FNIP1: variants seen among roughly 807,000 people sequenced by gnomAD.
FNIP1 encodes the protein folliculin interacting protein 1.
Under a neutral mutation model 124.5 loss-of-function variants are expected in FNIP1, and 40 were observed. The ratio of observed to expected loss-of-function variants is 0.32; its 90% CI spans 0.25 to 0.42. The LOEUF is 0.42. Ranked by LOEUF, FNIP1 falls within the 10% of genes least tolerant of loss-of-function variation. The pLI is 1.00. For missense variants in FNIP1, 1,176 were observed against 1,403.7 expected (o/e 0.84, Z 2.59); for synonymous variants, 472 against 470.6 (o/e 1.00, Z -0.04).
intron 6 of FNIP1, among the ~76,000 whole-genome samples, chr5:131,713,514 T>C (rs1329427947): frequency 6.6e-6 from 1 of 152,348 alleles, no homozygotes; most frequent in South Asian, 2.1e-4. Context: ...TCAACTTCTA[T>C]TATTTTTAAA....
intron 15 of FNIP1, among the ~76,000 whole-genome samples, chr5:131,659,757 G>A (rs191372417): frequency 1.4e-4 from 22 of 152,302 alleles, no homozygotes; most frequent in Non-Finnish European, 2.8e-4. Flanking sequence ...AACATGATCT[G>A]AGTCATCTTC....
At chr5:131,661,220 T>TTGTGTG (rs370206265) in intron 15 of FNIP1, among the ~76,000 whole-genome samples, 40 of 147,738 alleles carry the variant, frequency 2.7e-4, no homozygotes, top group African/African-American at 7.6e-4. Flanking sequence ...TGTCTTTGTT[T>TTGTGTG]TGTGTGTGTG....
chr5:131,762,387 G>A (rs370045742), intron 1 of FNIP1, among the ~76,000 whole-genome samples: 8 of 152,118 alleles, frequency 5.3e-5, no homozygotes, highest in East Asian at 1.9e-4. Flanking sequence ...TAAGGAGCTC[G>A]AACAACTATA....
At chr5:131,716,252 T>A (rs771433562) in intron 6 of FNIP1, among the ~76,000 whole-genome samples, 1 of 152,168 alleles carries the variant, frequency 6.6e-6, no homozygotes, top group African/African-American at 2.4e-5. Flanking sequence ...AAAGAACTAC[T>A]AAGGGCTTTT....
chr5:131,702,688 CT>C (rs1269387488), intron 10 of FNIP1, among the ~76,000 whole-genome samples: 1 of 152,168 alleles, frequency 6.6e-6, no homozygotes, highest in Non-Finnish European at 1.5e-5. Context: ...TTTGTCCTTC[CT>C]TTTTAGCTTA....
At chr5:131,776,687 T>C (rs1260867483) in intron 1 of FNIP1, among the ~76,000 whole-genome samples, 2 of 152,154 alleles carry the variant, frequency 1.3e-5, no homozygotes, top group Non-Finnish European at 2.9e-5. Flanking sequence ...GGAACATAAT[T>C]CCATTTACAC....
rs77226650 is a variant in FNIP1 at position 131,705,681 on chromosome 5, C to T, written c.914+730G>A. On this transcript the variant is annotated intron_variant, in intron 9 of 17. Coordinates refer to ENST00000510461, the MANE Select transcript of FNIP1 (RefSeq NM_133372.3). ...AGTAACCATGGAAAACAGTGTGCAG[C>T]GTGACAGTTCCTCACAAATTTAAAA... is the stretch of plus-strand genomic sequence containing the variant. Among the ~76,000 whole-genome samples, 16 of 152,140 alleles carry T rather than the reference C, an allele frequency of 1.1e-4. No homozygotes were observed. The East Asian group carries it at 1.5e-3, about 15-fold the overall frequency.
intron 10 of FNIP1, among the ~76,000 whole-genome samples, chr5:131,699,519 G>A (rs568972632): frequency 8.6e-4 from 129 of 150,284 alleles, no homozygotes; most frequent in South Asian, 6.1e-3. Context: ...TCAGTCTCCC[G>A]AGTAGCTGGG....
At chr5:131,770,947 T>C (rs1305880616) in intron 1 of FNIP1, among the ~76,000 whole-genome samples, 2 of 152,196 alleles carry the variant, frequency 1.3e-5, no homozygotes, top group African/African-American at 4.8e-5. Context: ...TTCTTTTTTT[T>C]ATTATTATAC....
At chr5:131,676,348 C>T (rs1767912528) in intron 13 of FNIP1, among the ~76,000 whole-genome samples, 1 of 152,072 alleles carries the variant, frequency 6.6e-6, no homozygotes, top group Non-Finnish European at 1.5e-5. Flanking sequence ...AGGGTTTCAC[C>T]ATGTTGGCCA....
At chr5:131,748,368 C>T (rs904800052) in intron 1 of FNIP1, among the ~76,000 whole-genome samples, 1 of 151,974 alleles carries the variant, frequency 6.6e-6, no homozygotes, top group African/African-American at 2.4e-5. Context: ...ATTACGGATA[C>T]AATTATGTAA....
chr5:131,790,049 T>C (rs1307728311), intron 1 of FNIP1, among the ~76,000 whole-genome samples: 1 of 152,256 alleles, frequency 6.6e-6, no homozygotes, highest in African/African-American at 2.4e-5. Context: ...AACAGAACTT[T>C]TGACCCTCTC....
intron 16 of FNIP1, among the ~76,000 whole-genome samples, chr5:131,650,664 G>C (rs966534062): frequency 2.6e-5 from 4 of 152,178 alleles, no homozygotes; most frequent in Non-Finnish European, 5.9e-5. Context: ...TTGAACAGAA[G>C]TAGGGAAAGT....
At chr5:131,732,177 C>G (rs990139155) in intron 2 of FNIP1, among the ~76,000 whole-genome samples, 1 of 152,158 alleles carries the variant, frequency 6.6e-6, no homozygotes, top group Non-Finnish European at 1.5e-5. Flanking sequence ...ATCACAGTTA[C>G]CAGTATGTCC....
At chr5:131,645,688 G>T (rs1478973896) in intron 17 of FNIP1, among the ~76,000 whole-genome samples, 1 of 152,046 alleles carries the variant, frequency 6.6e-6, no homozygotes, top group Non-Finnish European at 1.5e-5. Flanking sequence ...CTATTTCAAG[G>T]AATTTATCCT....
At chr5:131,779,973 G>C (rs1771942921) in intron 1 of FNIP1, among the ~76,000 whole-genome samples, 2 of 151,624 alleles carry the variant, frequency 1.3e-5, no homozygotes, top group African/African-American at 4.8e-5. Flanking sequence ...GCCAAGGTGA[G>C]TGGATCCCTT....
intron 11 of FNIP1, among the ~76,000 whole-genome samples, chr5:131,680,538 A>C (rs1768047082): frequency 6.6e-6 from 1 of 152,244 alleles, no homozygotes; most frequent in Non-Finnish European, 1.5e-5. Flanking sequence ...AATTGAAGAC[A>C]AATGTTTATC....
At position 131,671,922 on chromosome 5, in the gene FNIP1, T is replaced by C; in HGVS notation, c.2522A>G (p.Asp841Gly). The C allele has an allele frequency of 2.5e-6, 4 of 1,614,222 alleles. No homozygotes were observed. Among genetic ancestry groups the C allele is most frequent in the Non-Finnish European group, 3.4e-6 (4 of 1,180,034 alleles). ...SMSLFDEYFN[D>G]DSIETRTIDD... ...AATAGTCCTGGTTTCGATTGAATCA[T>C]CATTAAAATATTCGTCGAATAAGCT... is the stretch of plus-strand genomic sequence containing the variant. Residue 841 changes from aspartate to glycine, a missense_variant, in exon 14 of 18, where the codon GAT becomes GGT. This residue lies in a region of FNIP1 where 1,109 missense variants were observed against 1,288.5 expected (regional missense o/e 0.86). Transcript: ENST00000510461.
At chr5:131,666,665 G>A (rs1166050171) in intron 15 of FNIP1, among the ~76,000 whole-genome samples, 1 of 152,048 alleles carries the variant, frequency 6.6e-6, no homozygotes, top group Admixed American at 6.6e-5. Flanking sequence ...GTACCTCAAA[G>A]GATTATTATA....
Sources: gnomAD v4.1 joint callset for allele counts (sites outside exome capture counted in the v4.1 genomes callset) on GRCh38, gnomAD v4.1.1 for gene constraint, gnomAD v4.1.1 regional missense constraint, MANE v1.5 for transcripts, NCBI Gene and HGNC (gene_info 2026-07-23, HGNC 2026-07-21) for gene names.